Variants in SERTM2 observed in about 807,000 individuals in gnomAD.
SERTM2 encodes serine-rich and transmembrane domain-containing protein 2.
chrX:111,520,597 C>G lies in SERTM2; in HGVS notation c.*1467C>G, dbSNP rs1242326063. The G allele has an allele frequency of 9.0e-6, 1 of 111,605 alleles. No homozygotes were observed. Among genetic ancestry groups the G allele is most frequent in the African/African-American group, 3.3e-5 (1 of 30,640 alleles). The allele number at this position is 111,605 out of a possible 1,213,427, so 9.2% of individuals were successfully genotyped here. On this transcript the variant is annotated 3_prime_UTR_variant, in exon 3 of 3. Transcript: ENST00000569275. ...ACCAATTTAGATTGGCCCTTTTTCT[C>G]TGATCTAAATCTAGATTGGTAGTGA... is the stretch of plus-strand genomic sequence containing the variant.
Position 111,514,994 on chromosome X carries a change from T to C in SERTM2, c.-784+2900T>C, listed in dbSNP as rs187108566. 6.1e-3 allele frequency among the ~76,000 whole-genome samples: 669 copies of C among 110,308 alleles called. 4 individuals are homozygous for C. Among genetic ancestry groups the C allele is most frequent in the African/African-American group, 0.02 (607 of 30,382 alleles). On this transcript the variant is annotated intron_variant, in intron 2 of 2. Coordinates refer to ENST00000569275, the MANE Select transcript of SERTM2 (RefSeq NM_001354473.2). The stretch of plus-strand genomic sequence containing the variant: ...GAGAAGGATAGGTAAGAGGATGAGA[T>C]GGGAGGAGCATAGGTAGATGTCGTG...
intron 2 of SERTM2, among the ~76,000 whole-genome samples, chrX:111,516,765 C>G (rs998403485): frequency 9.0e-6 from 1 of 111,221 alleles, no homozygotes; most frequent in African/African-American, 3.3e-5. Context: ...GGAATACAAA[C>G]TTTAAGCTGA....
chrX:111,516,622 G>T (rs1466163792), intron 2 of SERTM2, among the ~76,000 whole-genome samples: 1 of 110,568 alleles, frequency 9.0e-6, no homozygotes, highest in Admixed American at 9.6e-5. Context: ...ATAGTGGAAA[G>T]ATATTATATA....
At chrX:111,515,925 T>A (rs1272549613) in intron 2 of SERTM2, among the ~76,000 whole-genome samples, 2 of 110,310 alleles carry the variant, frequency 1.8e-5, no homozygotes, top group Admixed American at 9.7e-5. Flanking sequence ...AACACTAGGG[T>A]TTCAGGGTGA....
At chrX:111,516,656 G>A (rs1930316965) in intron 2 of SERTM2, among the ~76,000 whole-genome samples, 1 of 108,006 alleles carries the variant, frequency 9.3e-6, no homozygotes, top group Non-Finnish European at 1.9e-5. Flanking sequence ...CTCTGCTCTT[G>A]TTTCTTATGA....
chrX:111,518,669 G>A lies in SERTM2; in HGVS notation c.-189G>A, dbSNP rs1159635523. 6.8e-6 allele frequency: 2 copies of A among 292,278 alleles called. No individual in the cohort carries two copies. Among genetic ancestry groups the A allele is most frequent in the Non-Finnish European group, 1.2e-5 (2 of 168,185 alleles). The allele number at this position is 292,278 out of a possible 1,213,427, so 24.1% of individuals were successfully genotyped here. The stretch of plus-strand genomic sequence containing the variant: ...GATTGCTGTGCTGAAGGATAGAGAG[G>A]GTGTTGCAATTGTCAAATAGCATCA... On this transcript the variant is annotated 5_prime_UTR_variant, in exon 3 of 3. Coordinates refer to ENST00000569275, the MANE Select transcript of SERTM2 (RefSeq NM_001354473.2).
At chrX:111,515,680 T>C (rs970078355) in intron 2 of SERTM2, among the ~76,000 whole-genome samples, 10 of 111,400 alleles carry the variant, frequency 9.0e-5, no homozygotes, top group African/African-American at 3.3e-4. Flanking sequence ...CTAAGTAATA[T>C]TAAAGTAGAG....
intron 2 of SERTM2, 126 bp downstream of exon 2, chrX:111,512,220 G>A (rs1382318703): frequency 3.5e-6 from 1 of 282,896 alleles, no homozygotes; most frequent in Non-Finnish European, 6.2e-6. Flanking sequence ...CTACTTGAGC[G>A]AGCTTATTAC....
chrX:111,517,152 A>G (rs1039859381), intron 2 of SERTM2, among the ~76,000 whole-genome samples: 5 of 111,271 alleles, frequency 4.5e-5, no homozygotes, highest in African/African-American at 1.6e-4. Flanking sequence ...CTTCTGGTCT[A>G]TAACTATTGG....
At position 111,520,662 on chromosome X, in the gene SERTM2, T is replaced by C. The variant is rs1265646735; in HGVS notation, c.*1532T>C. ...TTCCACTTTTATACACAGTCATTTGTCAATGCTCCTCTCTCCAAGGGGCTG... is the reference window on the plus strand; with the variant it reads ...TTCCACTTTTATACACAGTCATTTGCCAATGCTCCTCTCTCCAAGGGGCTG... On this transcript the variant is annotated 3_prime_UTR_variant, in exon 3 of 3. Coordinates refer to ENST00000569275, the MANE Select transcript of SERTM2 (RefSeq NM_001354473.2). The C allele has an allele frequency of 8.9e-6, 1 of 111,834 alleles. No individual in the cohort carries two copies. Among genetic ancestry groups the C allele is most frequent in the East Asian group, 2.8e-4 (1 of 3,568 alleles). 9.2% of individuals were successfully genotyped at this position (111,834 alleles called of 1,213,427 possible).
Position 111,519,041 on chromosome X carries a change from C to T in SERTM2, c.184C>T (p.His62Tyr). 3.4e-6 allele frequency: 1 copy of T among 297,439 alleles called. No homozygotes were observed. The highest frequency in any genetic ancestry group is 5.9e-6 in the Non-Finnish European group (1 of 170,126). 24.5% of individuals were successfully genotyped at this position (297,439 alleles called of 1,213,427 possible). Residue 62 changes from histidine to tyrosine, a missense_variant, in exon 3 of 3, where the codon CAT (histidine) becomes TAT (tyrosine). By Grantham distance (83) the His-to-Tyr change is moderately conservative. Coordinates refer to ENST00000569275, the MANE Select transcript of SERTM2 (RefSeq NM_001354473.2). ...LLFTMLLRLK[H>Y]VISPINSDST... ...CTTCACAATGCTCCTTCGGCTCAAA[C>T]ATGTCATCTCGCCCATCAACTCTGA...
intron 2 of SERTM2, among the ~76,000 whole-genome samples, chrX:111,512,498 A>C (rs1461032865): frequency 9.0e-6 from 1 of 111,658 alleles, no homozygotes; most frequent in Non-Finnish European, 1.9e-5. Flanking sequence ...AAAAATGTAA[A>C]ATTACCAGTG....
intron 2 of SERTM2, among the ~76,000 whole-genome samples, chrX:111,515,481 G>A (rs1042810899): frequency 4.5e-5 from 5 of 111,213 alleles, no homozygotes; most frequent in Non-Finnish European, 9.4e-5. Flanking sequence ...TGTGTGGGCT[G>A]TCTGGGACTG....
intron 2 of SERTM2, among the ~76,000 whole-genome samples, chrX:111,513,289 C>G (rs1019537593): frequency 1.8e-5 from 2 of 109,554 alleles, no homozygotes; most frequent in African/African-American, 6.6e-5. Flanking sequence ...CTTTCTTTCC[C>G]TAATTCCTTA....
chrX:111,521,717 T>C lies in SERTM2; in HGVS notation c.*2587T>C, dbSNP rs1021950272. On this transcript the variant is annotated 3_prime_UTR_variant, in exon 3 of 3. Transcript: ENST00000569275. Reference sequence around the variant, plus strand: ...ATTAGCCAGTATATAAACAGGTAGGTTATTTATATATATGTGTACTCTGTT... The same window carrying C: ...ATTAGCCAGTATATAAACAGGTAGGCTATTTATATATATGTGTACTCTGTT... The C allele has an allele frequency of 1.1e-5, 1 of 95,138 alleles. No homozygotes were observed. Among genetic ancestry groups the C allele is most frequent in the African/African-American group, 4.1e-5 (1 of 24,320 alleles). 7.8% of individuals were successfully genotyped at this position (95,138 alleles called of 1,213,427 possible). A position where few individuals can be genotyped will look rare whatever the true frequency, so the allele number is the denominator to read the frequency against.
Position 111,518,679 on chromosome X carries a change from T to C in SERTM2, c.-179T>C. 3.4e-6 allele frequency: 1 copy of C among 294,982 alleles called. No homozygotes were observed. The highest frequency in any genetic ancestry group is 5.9e-6 in the Non-Finnish European group (1 of 168,885). 24.3% of individuals were successfully genotyped at this position (294,982 alleles called of 1,213,427 possible). A position where few individuals can be genotyped will look rare whatever the true frequency, so the allele number is the denominator to read the frequency against. On this transcript the variant is annotated 5_prime_UTR_variant, in exon 3 of 3. Coordinates refer to ENST00000569275, the MANE Select transcript of SERTM2 (RefSeq NM_001354473.2). Reference sequence around the variant, plus strand: ...CTGAAGGATAGAGAGGGTGTTGCAATTGTCAAATAGCATCACCATTTTCTG... The same window carrying C: ...CTGAAGGATAGAGAGGGTGTTGCAACTGTCAAATAGCATCACCATTTTCTG...
chrX:111,513,652 T>G (rs1331499005), intron 2 of SERTM2, among the ~76,000 whole-genome samples: 1 of 111,591 alleles, frequency 9.0e-6, no homozygotes, highest in African/African-American at 3.2e-5. Context: ...GAGGATTTCC[T>G]AATATCTAAC....
Position 111,512,007 on chromosome X carries a change from A to G in SERTM2, c.-871A>G, listed in dbSNP as rs185053460. 33 of 295,241 alleles carry G rather than the reference A, an allele frequency of 1.1e-4. No individual in the cohort carries two copies. In the East Asian group the frequency reaches 1.4e-3, roughly 12 times the overall value. The allele number at this position is 295,241 out of a possible 1,213,427, so 24.3% of individuals were successfully genotyped here. On this transcript the variant is annotated 5_prime_UTR_variant, in exon 2 of 3. Coordinates refer to ENST00000569275, the MANE Select transcript of SERTM2 (RefSeq NM_001354473.2). ...TCATTCTATGTTCCAGCTATTCCAG[A>G]GATGTTCCTGAACAAGTTACCTGTT...
intron 2 of SERTM2, among the ~76,000 whole-genome samples, chrX:111,515,068 A>G (rs1363655881): frequency 9.0e-6 from 1 of 110,966 alleles, no homozygotes; most frequent in African/African-American, 3.3e-5. Flanking sequence ...GTTTGCCCAC[A>G]GATGTTTGTC....
Sources: gnomAD v4.1 joint callset for allele counts (sites outside exome capture counted in the v4.1 genomes callset) on GRCh38, gnomAD v4.1.1 for gene constraint, MANE v1.5 for transcripts, NCBI Gene and HGNC (gene_info 2026-07-23, HGNC 2026-07-21) for gene names.